Variants in CECR2 observed in about 807,000 individuals in gnomAD.
The protein encoded by CECR2 is CECR2 histone acetyl-lysine reader.
In CECR2, 30 loss-of-function variants were observed where a neutral mutation model predicts 154.5. That is an observed-to-expected ratio of 0.19 (90% CI 0.15 to 0.26). The LOEUF is 0.26. CECR2 is among the 10% of genes least tolerant of loss of function. The pLI is 1.00. For synonymous variants in CECR2, 725 were observed against 683.7 expected, an observed-to-expected ratio of 1.06 and a Z score of -0.94; for missense variants, 1,743 against 1,829.3, an observed-to-expected ratio of 0.95 and a Z score of 0.86.
chr22:17,468,472 G>A (rs1270397774), intron 1 of CECR2, among the ~76,000 whole-genome samples: 1 of 152,110 alleles, frequency 6.6e-6, no homozygotes, highest in Non-Finnish European at 1.5e-5. Context: ...TTGAGGCCAG[G>A]AGTTGAAGAC....
At chr22:17,431,333 T>C (rs2054418709) in intron 1 of CECR2, among the ~76,000 whole-genome samples, 1 of 152,200 alleles carries the variant, frequency 6.6e-6, no homozygotes, top group Admixed American at 6.5e-5. Context: ...ATGAAGACAA[T>C]ACTACTCACC....
intron 1 of CECR2, among the ~76,000 whole-genome samples, chr22:17,454,970 C>T (rs1241927427): frequency 6.6e-6 from 1 of 152,180 alleles, no homozygotes; most frequent in Non-Finnish European, 1.5e-5. Flanking sequence ...CATTTATAAC[C>T]TGACACGTCC....
intron 1 of CECR2, chr22:17,418,966 T>C: frequency 4.9e-6 from 1 of 205,310 alleles, no homozygotes; most frequent in South Asian, 6.4e-5. Context: ...GCCTATCGGC[T>C]GGGCCCCGCC....
At chr22:17,549,783 G>GTTTTTTTTTTTTTTTTTTTT (rs1491166897) in intron 17 of CECR2, among the ~76,000 whole-genome samples, 1 of 88,856 alleles carries the variant, frequency 1.1e-5, no homozygotes, top group African/African-American at 4.4e-5. Context: ...CTAACTTTTT[G>GTTTTTTTTTTTTTTTTTTTT]GTTTTTTTTT....
intron 3 of CECR2, 114 bp from the exon 4 acceptor site, chr22:17,499,296 G>C: frequency 3.0e-6 from 4 of 1,320,480 alleles, no homozygotes; most frequent in Non-Finnish European, 4.1e-6. Context: ...GCGATACTTG[G>C]GCATTTTTAG....
chr22:17,373,773 A>G (rs9618000), intron 1 of CECR2, among the ~76,000 whole-genome samples: 41,893 of 152,126 alleles, frequency 0.28, 9,340 homozygotes, highest in African/African-American at 0.62. Flanking sequence ...GGAACTTGGA[A>G]ATTTACCAAA....
Position 17,447,033 on chromosome 22 carries a change from C to CTTTTTTTTTTTTTTTTTTTTT in CECR2, c.127-30536_127-30535insTTTTTTTTTTTTTTTTTTTTT, listed in dbSNP as rs1555910503. 7.0e-5 allele frequency among the ~76,000 whole-genome samples: 8 copies of CTTTTTTTTTTTTTTTTTTTTT among 114,104 alleles called. 1 individual carries two copies. Among genetic ancestry groups the CTTTTTTTTTTTTTTTTTTTTT allele is most frequent in the African/African-American group, 3.0e-4 (8 of 26,696 alleles). 74.9% of individuals were successfully genotyped at this position (114,104 alleles called of 152,430 possible). Reference sequence around the variant, plus strand: ...GAGTGCTGAGTGGTGCGTTTACAATCTTTTTTTTTTTTTTTTTTTGAGACA... The same window carrying CTTTTTTTTTTTTTTTTTTTTT: ...GAGTGCTGAGTGGTGCGTTTACAATCTTTTTTTTTTTTTTTTTTTTTTTTTTTTTTTTTTTTTTTTGAGACA... On this transcript the variant is annotated intron_variant, in intron 1 of 18. Coordinates refer to ENST00000262608, the MANE Select transcript of CECR2 (RefSeq NM_001290047.2).
intron 1 of CECR2, among the ~76,000 whole-genome samples, chr22:17,378,527 AC>A (rs1415805943): frequency 6.7e-6 from 1 of 148,620 alleles, no homozygotes; most frequent in Admixed American, 6.8e-5. Context: ...CAATCTCCTG[AC>A]CCCCTCCTCG....
At chr22:17,437,947 T>G (rs2054530651) in intron 1 of CECR2, among the ~76,000 whole-genome samples, 1 of 152,248 alleles carries the variant, frequency 6.6e-6, no homozygotes, top group Admixed American at 6.5e-5. Context: ...GGACAAAGTT[T>G]CTTTTGTGGA....
In CECR2 at chr22:17,389,001, C is replaced by CG. The variant is rs571695371; in HGVS notation, c.126+19096dup. ...ATAACTTTTGTATTTTTAGTAGAGA[C>CG]GGGGTTTCACCATGTTGGCCAGGCT... On this transcript the variant is annotated intron_variant, in intron 1 of 18. Transcript: ENST00000262608. Among the ~76,000 whole-genome samples the CG allele has an allele frequency of 5.9e-5, 9 of 152,092 alleles. No homozygotes were observed. The South Asian group carries it at 1.9e-3, about 32-fold the overall frequency.
chr22:17,465,876 C>T (rs1414115726), intron 1 of CECR2, among the ~76,000 whole-genome samples: 1 of 152,152 alleles, frequency 6.6e-6, no homozygotes, highest in Non-Finnish European at 1.5e-5. Flanking sequence ...ACCTCGTCCT[C>T]CCAAATTGCT....
chr22:17,524,494 G>A (rs1310375580), intron 9 of CECR2, among the ~76,000 whole-genome samples: 1 of 134,554 alleles, frequency 7.4e-6, no homozygotes, highest in Non-Finnish European at 1.6e-5. Context: ...CCGGGTTCAT[G>A]CCATTCTCCT....
chr22:17,411,785 G>A (rs920933756), intron 1 of CECR2, among the ~76,000 whole-genome samples: 1 of 152,142 alleles, frequency 6.6e-6, no homozygotes, highest in African/African-American at 2.4e-5. Context: ...TAATTACTTC[G>A]AGCCTATATA....
Position 17,404,803 on chromosome 22 carries a change from A to G in CECR2, c.126+34894A>G, listed in dbSNP as rs2053956843. Among the ~76,000 whole-genome samples, 3 of 152,300 alleles carry G rather than the reference A, an allele frequency of 2.0e-5. No individual in the cohort carries two copies. The South Asian group carries it at 6.2e-4, about 32-fold the overall frequency. Reference sequence around the variant, plus strand: ...AGTCCTCTCACTTTGTTCATTTTCAAAGTTGCTTTGGCTATTTTATATTTT... The same window carrying G: ...AGTCCTCTCACTTTGTTCATTTTCAGAGTTGCTTTGGCTATTTTATATTTT... On this transcript the variant is annotated intron_variant, in intron 1 of 18. Coordinates refer to ENST00000262608, the MANE Select transcript of CECR2 (RefSeq NM_001290047.2).
At chr22:17,419,508 G>GA (rs1445942926) in intron 1 of CECR2, 8 of 161,274 alleles carry the variant, frequency 5.0e-5, no homozygotes, top group Non-Finnish European at 8.9e-5. Flanking sequence ...AGAGGAAGAG[G>GA]AGGAAGAAGA....
intron 8 of CECR2, among the ~76,000 whole-genome samples, chr22:17,521,193 G>A (rs1297492252): frequency 6.6e-6 from 1 of 152,178 alleles, no homozygotes; most frequent in Non-Finnish European, 1.5e-5. Flanking sequence ...GATGACCAGT[G>A]ATGATGAGCA....
rs2056561077 is a variant in CECR2 at position 17,543,328 on chromosome 22, G to C, written c.2860+325G>C. Among the ~76,000 whole-genome samples, 4 of 151,458 alleles carry C rather than the reference G, an allele frequency of 2.6e-5. No homozygotes were observed. The South Asian group carries it at 6.3e-4, about 24-fold the overall frequency. ...TTTTGGTATTTTTAGTAGCAACGGGGTTTCACCGTGTTAGCCAGGATGGTC... is the reference window on the plus strand; with the variant it reads ...TTTTGGTATTTTTAGTAGCAACGGGCTTTCACCGTGTTAGCCAGGATGGTC... On this transcript the variant is annotated intron_variant, in intron 16 of 18. Transcript: ENST00000262608.
chr22:17,385,569 C>T (rs572954050), intron 1 of CECR2, among the ~76,000 whole-genome samples: 8 of 152,160 alleles, frequency 5.3e-5, no homozygotes, highest in Non-Finnish European at 1.0e-4. Flanking sequence ...AAAACATTTA[C>T]AGTTGTAATA....
chr22:17,486,548 A>C (rs959242088), intron 2 of CECR2, among the ~76,000 whole-genome samples: 3 of 152,190 alleles, frequency 2.0e-5, no homozygotes, highest in South Asian at 2.1e-4. Context: ...GAAAGCCCAC[A>C]TGGCTGGGAA....
Sources: gnomAD v4.1 joint callset for allele counts (sites outside exome capture counted in the v4.1 genomes callset) on GRCh38, gnomAD v4.1.1 for gene constraint, MANE v1.5 for transcripts, NCBI Gene and HGNC (gene_info 2026-07-23, HGNC 2026-07-21) for gene names.